The following NLGN4X variants were observed in gnomAD, a reference collection of about 807,000 sequenced individuals.
The protein encoded by NLGN4X is neuroligin-4, X-linked.
NLGN4X carries 3 observed loss-of-function variants against 40.3 expected under a neutral mutation model. That is an observed-to-expected ratio of 0.07 (90% CI 0.03 to 0.19). The LOEUF (loss-of-function observed/expected upper bound fraction) is 0.19, where lower values mean the gene tolerates loss of function less well. Among genes scored for constraint, NLGN4X ranks in the 10% least tolerant of loss-of-function variants. NLGN4X has a pLI of 1.00. For missense variants in NLGN4X, 382 were observed against 708.3 expected, an observed-to-expected ratio of 0.54 and a Z score of 5.23; for synonymous variants, 270 against 306.8, an observed-to-expected ratio of 0.88 and a Z score of 1.25.
At chrX:5,931,137 T>C (rs183000887) in intron 3 of NLGN4X, among the ~76,000 whole-genome samples, 6 of 112,028 alleles carry the variant, frequency 5.4e-5, no homozygotes, top group African/African-American at 1.6e-4. Context: ...AGTGGGGAAA[T>C]GTAGTGGATT....
At position 5,893,158 on chromosome X, in the gene NLGN4X, G is replaced by T; in HGVS notation, c.2110C>A (p.Arg704Ser). The T allele has an allele frequency of 8.3e-7, 1 of 1,211,679 alleles. No individual in the cohort carries two copies. Among genetic ancestry groups the T allele is most frequent in the Non-Finnish European group, 1.1e-6 (1 of 895,442 alleles). The part of the protein sequence containing the change: ...AALYYKKDKR[R>S]HETHRRPSPQ... The stretch of plus-strand genomic sequence containing the variant: ...CTGGGGCGCCTGTGAGTCTCATGGC[G>T]CCTCTTGTCCTTTTTGTAGTACAGC... Residue 704 changes from arginine to serine, a missense_variant, in exon 6 of 6, where the codon CGC becomes AGC. This residue lies in a region of NLGN4X where 149 missense variants were observed against 375.8 expected (regional missense o/e 0.40). Transcript: ENST00000381095.
chrX:5,965,377 A>C (rs1459069708), intron 3 of NLGN4X, among the ~76,000 whole-genome samples: 1 of 112,122 alleles, frequency 8.9e-6, no homozygotes, highest in Admixed American at 9.5e-5. Context: ...ACAAGTGTGT[A>C]ACCAATGTGG....
At chrX:6,160,103 C>T (rs1035986448) in intron 1 of NLGN4X, among the ~76,000 whole-genome samples, 7 of 110,823 alleles carry the variant, frequency 6.3e-5, no homozygotes, top group African/African-American at 1.6e-4. Flanking sequence ...AGGGTGACTG[C>T]AGTCAACATT....
chrX:6,192,642 T>G (rs1267105452), intron 1 of NLGN4X, among the ~76,000 whole-genome samples: 2 of 111,590 alleles, frequency 1.8e-5, no homozygotes, highest in East Asian at 5.7e-4. Context: ...AAGGAGAGCA[T>G]GCAAACAGAA....
chrX:5,934,536 C>T (rs183337337), intron 3 of NLGN4X, among the ~76,000 whole-genome samples: 125 of 111,347 alleles, frequency 1.1e-3, no homozygotes, highest in Non-Finnish European at 1.7e-3. Context: ...TTTTAAAAAT[C>T]TATATGTTGT....
At chrX:5,978,610 T>C (rs780891764) in intron 3 of NLGN4X, among the ~76,000 whole-genome samples, 12 of 111,907 alleles carry the variant, frequency 1.1e-4, no homozygotes, top group African/African-American at 3.9e-4. Context: ...TCCCCATTGT[T>C]GTTAAAGGGA....
chrX:6,102,569 A>G (rs1018401677), intron 2 of NLGN4X, among the ~76,000 whole-genome samples: 9 of 110,535 alleles, frequency 8.1e-5, no homozygotes. Flanking sequence ...TGTGTATATA[A>G]TTTTGCTCAG....
intron 1 of NLGN4X, among the ~76,000 whole-genome samples, chrX:6,222,162 C>T (rs760072602): frequency 2.7e-5 from 3 of 111,153 alleles, no homozygotes; most frequent in Non-Finnish European, 5.7e-5. Flanking sequence ...TCCGTGTCCC[C>T]TCTCCCCAAC....
rs1194534862 is a variant in NLGN4X, at chrX:5,909,078, A to G, written c.787T>C (p.Leu263=). The G allele has an allele frequency of 1.7e-6, 2 of 1,211,169 alleles. No homozygotes were observed. Among genetic ancestry groups the G allele is most frequent in the Middle Eastern group, 2.3e-4 (1 of 4,354 alleles). The change falls in exon 4 of 6, where the codon TTG becomes CTG. Residue 263 remains leucine (L), a synonymous_variant. Coordinates refer to ENST00000381095, the MANE Select transcript of NLGN4X (RefSeq NM_181332.3). ...CCTTCTGAGTAGTGGGACAGGGTCAACAGGCTGACACAGGAGGCCCCAGCC... is the reference window on the plus strand; with the variant it reads ...CCTTCTGAGTAGTGGGACAGGGTCAGCAGGCTGACACAGGAGGCCCCAGCC... ...SGAGASCVSL[L]TLSHYSEGLF...
chrX:5,995,053 T>C (rs2035784154), intron 3 of NLGN4X, among the ~76,000 whole-genome samples: 1 of 112,479 alleles, frequency 8.9e-6, no homozygotes, highest in Non-Finnish European at 1.9e-5. Flanking sequence ...CTTTGGTTGC[T>C]ACAATCTTTG....
intron 2 of NLGN4X, among the ~76,000 whole-genome samples, chrX:6,050,320 C>T (rs981775108): frequency 1.8e-5 from 2 of 111,502 alleles, no homozygotes. Flanking sequence ...TCTATCTATC[C>T]ATCTCTACCA....
At chrX:5,990,832 T>C (rs907982453) in intron 3 of NLGN4X, among the ~76,000 whole-genome samples, 8 of 111,227 alleles carry the variant, frequency 7.2e-5, no homozygotes, top group Non-Finnish European at 1.3e-4. Context: ...ACTGGATGCA[T>C]GAGAAATAGG....
At chrX:6,169,766 G>A (rs889332065) in intron 1 of NLGN4X, among the ~76,000 whole-genome samples, 3 of 112,149 alleles carry the variant, frequency 2.7e-5, no homozygotes, top group Non-Finnish European at 3.8e-5. Flanking sequence ...TTGGCTTCCC[G>A]TAGGATAGAC....
chrX:5,995,719 A>G (rs946331820), intron 3 of NLGN4X, among the ~76,000 whole-genome samples: 7 of 112,007 alleles, frequency 6.2e-5, no homozygotes, highest in Admixed American at 2.8e-4. Context: ...GGGGCCATCG[A>G]GATGGTGATT....
intron 4 of NLGN4X, among the ~76,000 whole-genome samples, chrX:5,904,729 G>A (rs2032084443): frequency 8.9e-6 from 1 of 112,025 alleles, no homozygotes; most frequent in Non-Finnish European, 1.9e-5. Flanking sequence ...GAGGTGCGCT[G>A]TAAAAATCAG....
intron 1 of NLGN4X, among the ~76,000 whole-genome samples, chrX:6,225,632 TCAGG>T (rs997185256): frequency 2.9e-5 from 3 of 102,045 alleles, no homozygotes; most frequent in African/African-American, 1.1e-4. Context: ...TTCTGCTTCG[TCAGG>T]ATAACGAGGT....
At chrX:6,082,947 C>CG (rs1569227326) in intron 2 of NLGN4X, among the ~76,000 whole-genome samples, 4 of 62,213 alleles carry the variant, frequency 6.4e-5, no homozygotes, top group African/African-American at 2.0e-4. Context: ...TGCCATGATG[C>CG]GTTTTTTTCT....
intron 2 of NLGN4X, among the ~76,000 whole-genome samples, chrX:6,088,870 T>C (rs2065091752): frequency 8.9e-6 from 1 of 112,033 alleles, no homozygotes; most frequent in South Asian, 3.7e-4. Context: ...AAACTGTAAG[T>C]TCCCTGAGGT....
intron 4 of NLGN4X, among the ~76,000 whole-genome samples, chrX:5,908,104 GAC>G (rs1264919260): frequency 2.9e-5 from 3 of 103,408 alleles, no homozygotes; most frequent in African/African-American, 1.1e-4. Context: ...GAGGGTGAGA[GAC>G]AGAGCAAAAG....
Sources: gnomAD v4.1 joint callset for allele counts (sites outside exome capture counted in the v4.1 genomes callset) on GRCh38, gnomAD v4.1.1 for gene constraint, gnomAD v4.1.1 regional missense constraint, MANE v1.5 for transcripts, NCBI Gene and HGNC (gene_info 2026-07-23, HGNC 2026-07-21) for gene names.